Variants in PCLO observed in about 807,000 individuals in gnomAD.
The protein encoded by PCLO is piccolo presynaptic cytomatrix protein, also known as protein piccolo.
A neutral mutation model predicts 427.5 loss-of-function variants in PCLO; 82 were observed. The observed-to-expected ratio is 0.19, with a 90% CI of 0.16 to 0.23. The LOEUF (loss-of-function observed/expected upper bound fraction) is 0.23, where lower values mean the gene tolerates loss of function less well. Ranked by LOEUF, PCLO falls within the 10% of genes least tolerant of loss-of-function variation. PCLO has a pLI of 1.00. For synonymous variants in PCLO, 2,357 were observed against 2,155.4 expected (o/e 1.09, Z -2.59); for missense variants, 6,239 against 6,115.9 (o/e 1.02, Z -0.67).
intron 14 of PCLO, among the ~76,000 whole-genome samples, chr7:82,838,605 A>G (rs1259888510): frequency 1.3e-5 from 2 of 151,992 alleles, no homozygotes; most frequent in Non-Finnish European, 2.9e-5. Context: ...AAGGAAAATC[A>G]TAAGGTAGAA....
At chr7:83,037,320 A>G (rs1289761952) in intron 3 of PCLO, among the ~76,000 whole-genome samples, 2 of 152,066 alleles carry the variant, frequency 1.3e-5, no homozygotes, top group African/African-American at 2.4e-5. Context: ...GCGTTCTGCC[A>G]TATCATTTTC....
chr7:83,063,125 A>G (rs1789580254), intron 3 of PCLO, among the ~76,000 whole-genome samples: 1 of 152,104 alleles, frequency 6.6e-6, no homozygotes, highest in Non-Finnish European at 1.5e-5. Context: ...AAACTAAGTA[A>G]AATAATTACC....
At chr7:82,868,882 A>AT (rs1793161515) in intron 10 of PCLO, among the ~76,000 whole-genome samples, 1 of 152,186 alleles carries the variant, frequency 6.6e-6, no homozygotes, top group South Asian at 2.1e-4. Flanking sequence ...TCTTCAAAAG[A>AT]TTTTATTAAA....
intron 10 of PCLO, 39 bp from the exon 11 acceptor site, chr7:82,847,286 T>C: frequency 8.6e-7 from 1 of 1,159,136 alleles, no homozygotes; most frequent in Non-Finnish European, 1.3e-6. Flanking sequence ...AAACGTGTGC[T>C]ATCTCTAGTC....
At chr7:83,063,289 A>G (rs991157920) in intron 3 of PCLO, among the ~76,000 whole-genome samples, 2 of 152,072 alleles carry the variant, frequency 1.3e-5, no homozygotes, top group South Asian at 4.1e-4. Flanking sequence ...CCCATTACCC[A>G]TGAAGCTAAA....
At chr7:83,135,743 C>A (rs925331301) in intron 2 of PCLO, 87 bp from the exon 3 acceptor site, 26 of 729,004 alleles carry the variant, frequency 3.6e-5, no homozygotes, top group Non-Finnish European at 5.3e-5. Context: ...CCATTTGAAA[C>A]TATGTCTCTC....
chr7:82,761,616 A>G, intron 22 of PCLO, 123 bp from the exon 23 acceptor site: 1 of 640,548 alleles, frequency 1.6e-6, no homozygotes. Context: ...TGACATCCTA[A>G]GTGCTAAATA....
At chr7:82,898,436 T>A (rs1475837386) in intron 9 of PCLO, among the ~76,000 whole-genome samples, 6 of 151,574 alleles carry the variant, frequency 4.0e-5, no homozygotes. Flanking sequence ...TTTCTTTTAT[T>A]TGCCAGGTAT....
At chr7:82,876,985 T>C (rs1189712909) in intron 10 of PCLO, among the ~76,000 whole-genome samples, 1 of 152,158 alleles carries the variant, frequency 6.6e-6, no homozygotes, top group Non-Finnish European at 1.5e-5. Flanking sequence ...ATGCATACAG[T>C]TTTTAATGAT....
intron 3 of PCLO, among the ~76,000 whole-genome samples, chr7:83,111,441 G>A (rs1790999791): frequency 6.6e-6 from 1 of 152,176 alleles, no homozygotes; most frequent in African/African-American, 2.4e-5. Flanking sequence ...AAGGACCGGA[G>A]GAGCCCTTTC....
At chr7:83,161,116 G>C (rs1792425403) in intron 1 of PCLO, among the ~76,000 whole-genome samples, 1 of 152,034 alleles carries the variant, frequency 6.6e-6, no homozygotes, top group African/African-American at 2.4e-5. Context: ...CTTTTTACCT[G>C]GTAGATTTTA....
At chr7:83,018,811 C>A (rs574564740) in intron 3 of PCLO, among the ~76,000 whole-genome samples, 1 of 152,058 alleles carries the variant, frequency 6.6e-6, no homozygotes, top group South Asian at 2.1e-4. Flanking sequence ...AATGGGCATG[C>A]ACTTAGTAAA....
chr7:82,872,434 G>A (rs564226492), intron 10 of PCLO, among the ~76,000 whole-genome samples: 35 of 152,010 alleles, frequency 2.3e-4, no homozygotes, highest in South Asian at 2.3e-3. Flanking sequence ...TTGATAAAAG[G>A]AAATGTAAAG....
At chr7:82,774,071 T>A (rs1790699377) in intron 22 of PCLO, among the ~76,000 whole-genome samples, 1 of 152,206 alleles carries the variant, frequency 6.6e-6, no homozygotes, top group Non-Finnish European at 1.5e-5. Flanking sequence ...AAGGTAGTAA[T>A]GGCTTTTTGT....
chr7:82,978,166 C>T (rs1231318554), intron 3 of PCLO, among the ~76,000 whole-genome samples: 3 of 148,636 alleles, frequency 2.0e-5, no homozygotes, highest in East Asian at 2.0e-4. Context: ...AGAGAGACCC[C>T]CACCCCCCCG....
chr7:82,783,336 C>T (rs559147138), intron 22 of PCLO, among the ~76,000 whole-genome samples: 3 of 151,916 alleles, frequency 2.0e-5, no homozygotes, highest in Admixed American at 6.6e-5. Flanking sequence ...CCTAGAGGGC[C>T]GGGTGTGGTG....
rs1460485570 is a variant in PCLO, at chr7:83,097,030, AT to A, written c.3300+37219del. Among the ~76,000 whole-genome samples the A allele has an allele frequency of 8.9e-5, 3 of 33,722 alleles. 1 individual carries two copies. Among genetic ancestry groups the A allele is most frequent in the African/African-American group, 1.4e-4 (1 of 7,336 alleles). The allele number at this position is 33,722 out of a possible 152,430, so 22.1% of individuals were successfully genotyped here. On this transcript the variant is annotated intron_variant, in intron 3 of 24. Coordinates refer to ENST00000333891, the MANE Select transcript of PCLO (RefSeq NM_033026.6). ...ATAATATATATTATATATTATATAA[AT>A]ATATATTATATATTATATAAATATA...
At chr7:83,079,888 C>T (rs116667609) in intron 3 of PCLO, among the ~76,000 whole-genome samples, 2 of 151,612 alleles carry the variant, frequency 1.3e-5, no homozygotes, top group East Asian at 1.9e-4. Context: ...CTCACCCCCC[C>T]ACAGACCCCA....
At chr7:83,069,827 A>ACACACACACACACACAC (rs1562948973) in intron 3 of PCLO, among the ~76,000 whole-genome samples, 2 of 121,078 alleles carry the variant, frequency 1.7e-5, no homozygotes, top group African/African-American at 6.2e-5. Context: ...ACACACACAC[A>ACACACACACACACACAC]AAGACTGATG....
Sources: allele counts gnomAD v4.1 joint callset (sites outside exome capture counted in the v4.1 genomes callset), GRCh38; gene constraint gnomAD v4.1.1; transcripts MANE v1.5; gene names NCBI Gene and HGNC (gene_info 2026-07-23, HGNC 2026-07-21).